Variants in TUSC3 observed in about 807,000 individuals in gnomAD.
The protein encoded by TUSC3 is tumor suppressor candidate 3, also known as dolichyl-diphosphooligosaccharide--protein glycosyltransferase subunit TUSC3.
In TUSC3, 45 loss-of-function variants were observed where a neutral mutation model predicts 44.8. That is an observed-to-expected ratio of 1.00 (90% confidence interval 0.79 to 1.29). The LOEUF (loss-of-function observed/expected upper bound fraction) is 1.29, where lower values mean the gene tolerates loss of function less well. Among genes scored for constraint, TUSC3 ranks in the 50% most tolerant of loss-of-function variants. The probability of loss-of-function intolerance (pLI) is 0.00; values close to 1 mark genes in which losing one functional copy is unlikely to be tolerated. For missense variants in TUSC3, 519 were observed against 437.9 expected, an observed-to-expected ratio of 1.19 and a Z score of -1.65; for synonymous variants, 212 against 152.9, an observed-to-expected ratio of 1.39 and a Z score of -2.85.
At chr8:15,423,614 T>C (rs1376394903) in intron 1 of TUSC3, among the ~76,000 whole-genome samples, 1 of 152,238 alleles carries the variant, frequency 6.6e-6, no homozygotes, top group Non-Finnish European at 1.5e-5. Context: ...CCTTAGCAGA[T>C]GAGGAGGTTT....
At chr8:15,771,811 G>A in the TUSC3 span, among the ~76,000 whole-genome samples, 2 of 152,044 alleles carry the variant, frequency 1.3e-5, no homozygotes, top group African/African-American at 2.4e-5. Flanking sequence ...AAGAAAGGCC[G>A]GGCACGGTGG....
chr8:15,666,657 A>G (rs1323380060), intron 5 of TUSC3, among the ~76,000 whole-genome samples: 1 of 151,402 alleles, frequency 6.6e-6, no homozygotes, highest in Non-Finnish European at 1.5e-5. Context: ...ATAAAATTAT[A>G]TAACTTTTAG....
chr8:15,738,937 A>C (rs767494913), intron 7 of TUSC3, among the ~76,000 whole-genome samples: 62 of 146,306 alleles, frequency 4.2e-4, no homozygotes, highest in Non-Finnish European at 7.0e-4. Context: ...AGTTCAAGCA[A>C]CTCCTCTGCC....
chr8:15,496,632 C>G (rs1800883980), intron 2 of TUSC3, among the ~76,000 whole-genome samples: 1 of 152,106 alleles, frequency 6.6e-6, no homozygotes, highest in Non-Finnish European at 1.5e-5. Flanking sequence ...TAGATACAGG[C>G]CCAGTGGTTA....
intron 1 of TUSC3, among the ~76,000 whole-genome samples, chr8:15,604,238 A>G (rs796276831): frequency 1.3e-5 from 2 of 151,720 alleles, no homozygotes; most frequent in South Asian, 2.1e-4. Flanking sequence ...GCGTCTTTAT[A>G]CACATAAAGA....
At chr8:15,744,892 C>T (rs182654829) in intron 8 of TUSC3, among the ~76,000 whole-genome samples, 7 of 152,158 alleles carry the variant, frequency 4.6e-5, no homozygotes, top group Non-Finnish European at 5.9e-5. Context: ...GTAAGGATCT[C>T]ATCACCCAAT....
At chr8:15,785,948 T>G in the TUSC3 span, among the ~76,000 whole-genome samples, 1 of 152,188 alleles carries the variant, frequency 6.6e-6, no homozygotes, top group Non-Finnish European at 1.5e-5. Context: ...CACTATTAGC[T>G]AAAATATTTA....
At chr8:15,430,691 C>T (rs999057271) in intron 1 of TUSC3, among the ~76,000 whole-genome samples, 1 of 151,570 alleles carries the variant, frequency 6.6e-6, no homozygotes, top group Non-Finnish European at 1.5e-5. Context: ...GTCAAATTGT[C>T]CCTGTTTGCA....
chr8:15,572,035 G>C (rs1802898053), intron 1 of TUSC3, among the ~76,000 whole-genome samples: 1 of 152,118 alleles, frequency 6.6e-6, no homozygotes, highest in African/African-American at 2.4e-5. Flanking sequence ...AATGGTAAAT[G>C]AACGTTGGCT....
At chr8:15,753,280 C>T (rs1205470290) in intron 9 of TUSC3, among the ~76,000 whole-genome samples, 3 of 151,988 alleles carry the variant, frequency 2.0e-5, no homozygotes, top group African/African-American at 7.2e-5. Context: ...TCTAATATGT[C>T]CGTTCAGCTC....
At chr8:15,475,292 C>T (rs1300499127) in intron 1 of TUSC3, among the ~76,000 whole-genome samples, 1 of 152,122 alleles carries the variant, frequency 6.6e-6, no homozygotes, top group Non-Finnish European at 1.5e-5. Flanking sequence ...ACAGAGATAA[C>T]ACCAGAGCCC....
the TUSC3 span, among the ~76,000 whole-genome samples, chr8:15,840,306 A>G: frequency 2.6e-5 from 4 of 152,132 alleles, no homozygotes; most frequent in Non-Finnish European, 5.9e-5. Flanking sequence ...CAGCACACCA[A>G]CATGGCACAT....
chr8:15,764,149 T>C, intron 10 of TUSC3, 54 bp from the exon 11 acceptor site: 1 of 1,454,732 alleles, frequency 6.9e-7, no homozygotes, highest in Non-Finnish European at 9.6e-7. Context: ...ACAAACATAT[T>C]GTATTTTCCT....
At chr8:15,721,722 A>G (rs1408428351) in intron 6 of TUSC3, among the ~76,000 whole-genome samples, 1 of 152,108 alleles carries the variant, frequency 6.6e-6, no homozygotes, top group Non-Finnish European at 1.5e-5. Flanking sequence ...GTAAGTCTAG[A>G]AATATGTTAT....
intron 6 of TUSC3, among the ~76,000 whole-genome samples, chr8:15,676,561 A>G (rs936175464): frequency 6.6e-6 from 1 of 152,118 alleles, no homozygotes; most frequent in African/African-American, 2.4e-5. Context: ...CAGTGTCCAG[A>G]ATGGTATTTC....
chr8:15,816,332 A>T, the TUSC3 span, among the ~76,000 whole-genome samples: 4 of 152,198 alleles, frequency 2.6e-5, no homozygotes, highest in African/African-American at 9.6e-5. Context: ...TGTGAGTATT[A>T]AAATACTGAG....
intron 6 of TUSC3, among the ~76,000 whole-genome samples, chr8:15,694,738 A>T (rs1459172587): frequency 1.3e-5 from 2 of 152,040 alleles, no homozygotes; most frequent in Non-Finnish European, 1.5e-5. Context: ...GCATGCCCTA[A>T]CTCTGGGGGG....
At chr8:15,526,877 A>G (rs897598329) in intron 2 of TUSC3, among the ~76,000 whole-genome samples, 1 of 152,190 alleles carries the variant, frequency 6.6e-6, no homozygotes. Flanking sequence ...AAGGATTAGA[A>G]GAAAAGATAA....
intron 1 of TUSC3, among the ~76,000 whole-genome samples, chr8:15,579,122 C>T (rs1161575678): frequency 6.6e-6 from 1 of 151,954 alleles, no homozygotes; most frequent in Non-Finnish European, 1.5e-5. Context: ...TTGTAGTATT[C>T]TCTGATATTA....
Sources: allele counts gnomAD v4.1 joint callset (sites outside exome capture counted in the v4.1 genomes callset), GRCh38; gene constraint gnomAD v4.1.1; transcripts MANE v1.5; gene names NCBI Gene and HGNC (gene_info 2026-07-23, HGNC 2026-07-21).